The following FNTB variants were observed in gnomAD, a reference collection of about 807,000 sequenced individuals.
FNTB encodes farnesyltransferase, CAAX box, subunit beta.
In FNTB, 27 loss-of-function variants were observed where a neutral mutation model predicts 59.4. That is an observed-to-expected ratio of 0.45 (90% CI 0.34 to 0.63). The LOEUF is 0.63. Ranked by LOEUF, FNTB falls within the 20% of genes least tolerant of loss-of-function variation. The pLI is 0.02. For synonymous variants in FNTB, 230 were observed against 220.7 expected (o/e 1.04, Z -0.37); for missense variants, 449 against 559.6 (o/e 0.80, Z 1.99).
rs545852767 is a variant in FNTB, at chr14:65,009,347, G to A, written c.210-2970G>A. ...TGTTATATTTCTTAATTTCACTGGC[G>A]CTTCACTAACTGCCTTATAATCCTT... On this transcript the variant is annotated intron_variant, in intron 2 of 11. Coordinates refer to ENST00000246166, the MANE Select transcript of FNTB (RefSeq NM_002028.4). The surrounding 1 kb of genome is among the most constrained non-coding windows in gnomAD (Gnocchi z 4.2). 9.9e-5 allele frequency among the ~76,000 whole-genome samples: 15 copies of A among 152,024 alleles called. No individual in the cohort carries two copies. The highest frequency in any genetic ancestry group is 6.2e-4 in the South Asian group (3 of 4,808).
rs778779530 is a variant in FNTB, at chr14:65,061,317, C to T, written c.*5C>T. The T allele has an allele frequency of 9.9e-6, 16 of 1,613,418 alleles. No homozygotes were observed. The highest frequency in any genetic ancestry group is 1.2e-5 in the Non-Finnish European group (14 of 1,179,984). On this transcript the variant is annotated 3_prime_UTR_variant, in exon 12 of 12. Transcript: ENST00000246166. ...GCAGAGCCTGCAACCGACTAGAGGA[C>T]CTGGGTCCCGGCAGCTCTTTGCTCA...
At chr14:65,026,796 A>G (rs1476951119) in intron 4 of FNTB, among the ~76,000 whole-genome samples, 1 of 152,010 alleles carries the variant, frequency 6.6e-6, no homozygotes, top group Non-Finnish European at 1.5e-5. Flanking sequence ...TGGGAGACGG[A>G]TGCTGCAATG....
rs1026108966 is a variant in FNTB at position 65,026,522 on chromosome 14, G to A, written c.375-931G>A. On this transcript the variant is annotated intron_variant, in intron 4 of 11. Transcript: ENST00000246166. ...ATTAAGGTGAGCATGAGAGCAGCCTGCCTCTCTTCTGTTCTCCCAGCCATG... is the reference window on the plus strand; with the variant it reads ...ATTAAGGTGAGCATGAGAGCAGCCTACCTCTCTTCTGTTCTCCCAGCCATG... Among the ~76,000 whole-genome samples, 3 of 152,310 alleles carry A rather than the reference G, an allele frequency of 2.0e-5. No individual in the cohort carries two copies. The East Asian group carries it at 5.8e-4, about 29-fold the overall frequency.
chr14:65,010,417 G>A (rs1449589774), intron 2 of FNTB, among the ~76,000 whole-genome samples: 2 of 152,182 alleles, frequency 1.3e-5, no homozygotes, highest in Non-Finnish European at 2.9e-5. Flanking sequence ...CCAGCAGCCT[G>A]ATTGACATCA....
rs1481341613 is a variant in FNTB at position 65,044,152 on chromosome 14, G to T, written c.823-159G>T. On this transcript the variant is annotated intron_variant, in intron 8 of 11. Transcript: ENST00000246166. This position sits in a 1 kb window ranked among gnomAD's most constrained non-coding sequence, Gnocchi z 5.5. ...CTTCACTCTGTGTCTATGGCAGTGT[G>T]GGGAGGGAAGGAAAGAAAACCAGAG... Among the ~76,000 whole-genome samples the T allele has an allele frequency of 6.6e-6, 1 of 152,186 alleles. No homozygotes were observed.
At chr14:65,041,090 G>A (rs112995565) in intron 8 of FNTB, among the ~76,000 whole-genome samples, 171 bp downstream of exon 8, 35 of 152,284 alleles carry the variant, frequency 2.3e-4, no homozygotes, top group African/African-American at 7.9e-4. Context: ...TCCCCCTTCT[G>A]CCTTTCTGTC....
intron 4 of FNTB, chr14:65,022,177 C>G (rs1013623821): frequency 1.9e-5 from 8 of 420,178 alleles, no homozygotes; most frequent in Admixed American, 7.4e-5. Context: ...AGTACGAGAA[C>G]AAGCTTGATG....
intron 9 of FNTB, among the ~76,000 whole-genome samples, chr14:65,051,945 C>T (rs2062624207): frequency 6.6e-6 from 1 of 151,892 alleles, no homozygotes; most frequent in Non-Finnish European, 1.5e-5. Context: ...CAGGCGCCCA[C>T]CACCATGTCC....
At chr14:64,989,003 G>C (rs1034221479) in intron 1 of FNTB, among the ~76,000 whole-genome samples, 1 of 151,996 alleles carries the variant, frequency 6.6e-6, no homozygotes, top group Non-Finnish European at 1.5e-5. Context: ...AGAAGACTGA[G>C]GTTTAGAGAC....
At chr14:65,020,223 G>C (rs1376725475) in intron 4 of FNTB, among the ~76,000 whole-genome samples, 1 of 152,226 alleles carries the variant, frequency 6.6e-6, no homozygotes, top group Admixed American at 6.5e-5. Flanking sequence ...AGCAAGGCGA[G>C]GTTGTTACTG....
At position 65,029,139 on chromosome 14, in the gene FNTB, G is replaced by T. The variant is rs2062035481; in HGVS notation, c.605+1358G>T. On this transcript the variant is annotated intron_variant, in intron 6 of 11. Transcript: ENST00000246166. This position sits in a 1 kb window ranked among gnomAD's most constrained non-coding sequence, Gnocchi z 4.7. Reference sequence around the variant, plus strand: ...TTCTTCCCTGACCTTTGCTCTTTGGGTGATGCTCTGCCATTCGTGCCCGTG... The same window carrying T: ...TTCTTCCCTGACCTTTGCTCTTTGGTTGATGCTCTGCCATTCGTGCCCGTG... Among the ~76,000 whole-genome samples the T allele has an allele frequency of 6.6e-6, 1 of 152,090 alleles. No homozygotes were observed. The highest frequency in any genetic ancestry group is 6.5e-5 in the Admixed American group (1 of 15,270).
Position 64,986,896 on chromosome 14 carries a change from A to G in FNTB, c.-58A>G, listed in dbSNP as rs1887960697. ...AGCGCTTTAGCCCGCTCGAGTTTCA[A>G]TGCGCGTTGTTGCTTAACGAAGCAG... On this transcript the variant is annotated 5_prime_UTR_variant, in exon 1 of 12. The change abolishes an upstream ATG in the 5' untranslated region. Transcript: ENST00000246166. The G allele has an allele frequency of 6.2e-7, 1 of 1,601,858 alleles. No homozygotes were observed.
chr14:65,044,450 C>T lies in FNTB; in HGVS notation c.955+7C>T, dbSNP rs1248030878. On this transcript the variant is annotated splice_region_variant and intron_variant, in intron 9 of 11. Coordinates refer to ENST00000246166, the MANE Select transcript of FNTB (RefSeq NM_002028.4). The surrounding 1 kb of genome is among the most constrained non-coding windows in gnomAD (Gnocchi z 5.5). ...CGCGCACTGCACGCCCAAGGTGAGC[C>T]TGGGGAGCTGTTCACTTGGGGCTGG... The T allele has an allele frequency of 9.4e-6, 15 of 1,598,898 alleles. No individual in the cohort carries two copies. Among genetic ancestry groups the T allele is most frequent in the Non-Finnish European group, 1.3e-5 (15 of 1,174,618 alleles).
chr14:65,025,432 A>G (rs751321320), intron 4 of FNTB, among the ~76,000 whole-genome samples: 20 of 152,216 alleles, frequency 1.3e-4, no homozygotes, highest in Non-Finnish European at 2.4e-4. Context: ...CTTATTAACT[A>G]TTTGTTTCTG....
chr14:65,012,353 G>A lies in FNTB; in HGVS notation c.246G>A (p.Leu82=). ...AGAGGGAGAAGCACTTCCATTATCT[G>A]AAAAGAGGCCTTCGACAACTGACAG... ...VLQREKHFHY[L]KRGLRQLTDA... The change falls in exon 3 of 12, where the codon CTG becomes CTA. Residue 82 remains leucine (L), a synonymous_variant. Transcript: ENST00000246166. This position sits in a 1 kb window ranked among gnomAD's most constrained non-coding sequence, Gnocchi z 5.0. 1 of 1,614,152 alleles carries A rather than the reference G, an allele frequency of 6.2e-7. No homozygotes were observed. The highest frequency in any genetic ancestry group is 8.5e-7 in the Non-Finnish European group (1 of 1,179,996).
rs149796207 is a variant in FNTB, at chr14:65,061,290, C to G, written c.1292C>G (p.Ser431Trp). 1 of 1,613,976 alleles carries G rather than the reference C, an allele frequency of 6.2e-7. No homozygotes were observed. The highest frequency in any genetic ancestry group is 1.7e-5 in the Admixed American group (1 of 60,014). Residue 431 changes from serine (S) to tryptophan (W), a missense_variant, in exon 12 of 12, where the codon TCG becomes TGG. Ser to Trp is a radical substitution (Grantham distance 177, BLOSUM62 -3). Around this residue, in one of 2 missense-constraint regions of FNTB, gnomAD observed 337 missense variants for 479.1 expected, o/e 0.70. Coordinates refer to ENST00000246166, the MANE Select transcript of FNTB (RefSeq NM_002028.4). ...TTTGAGGAGCTTAAGGATGAGACAT[C>G]GGCAGAGCCTGCAACCGACTAGAGG... ...PGFEELKDETSAEPATD is the reference protein window; with the variant it reads ...PGFEELKDETWAEPATD
intron 9 of FNTB, 32 bp from the exon 10 acceptor site, chr14:65,053,206 C>G (rs377408308): frequency 7.5e-7 from 1 of 1,341,860 alleles, no homozygotes; most frequent in South Asian, 2.2e-5. Flanking sequence ...CTGGATCTGC[C>G]GGGCCCTTAC....
chr14:64,996,595 G>A (rs897443737), intron 1 of FNTB, among the ~76,000 whole-genome samples: 1 of 152,190 alleles, frequency 6.6e-6, no homozygotes, highest in Non-Finnish European at 1.5e-5. Flanking sequence ...CACAGCTTCT[G>A]CGTATGTTGT....
intron 1 of FNTB, among the ~76,000 whole-genome samples, chr14:64,992,011 T>C (rs192001145): frequency 2.6e-3 from 396 of 152,334 alleles, no homozygotes; most frequent in Non-Finnish European, 4.6e-3. Flanking sequence ...CCTGACCTGC[T>C]GTTGACTTAT....
Sources: gnomAD v4.1 joint callset for allele counts (sites outside exome capture counted in the v4.1 genomes callset) on GRCh38, gnomAD v4.1.1 for gene constraint, gnomAD v4.1.1 regional missense constraint, Gnocchi (gnomAD v3.1) non-coding constraint, MANE v1.5 for transcripts, NCBI Gene and HGNC (gene_info 2026-07-23, HGNC 2026-07-21) for gene names.